The following GALNT14 variants were observed in gnomAD, a reference collection of about 807,000 sequenced individuals.
GALNT14 encodes UDP-GalNAc:polypeptide N-acetylgalactosaminyltransferase 14.
Under a neutral mutation model 77.5 loss-of-function variants are expected in GALNT14, and 60 were observed. That is an observed-to-expected ratio of 0.77 (90% CI 0.63 to 0.96). The LOEUF (loss-of-function observed/expected upper bound fraction) is 0.96. Ranked by LOEUF, GALNT14 falls within the 40% of genes least tolerant of loss-of-function variation. GALNT14 has a pLI of 0.00. For missense variants in GALNT14, 710 were observed against 731.0 expected (o/e 0.97, Z 0.33); for synonymous variants, 280 against 281.7 (o/e 0.99, Z 0.06).
At chr2:31,130,469 A>C (rs1678920155) in intron 1 of GALNT14, among the ~76,000 whole-genome samples, 1 of 152,190 alleles carries the variant, frequency 6.6e-6, no homozygotes, top group Non-Finnish European at 1.5e-5. Flanking sequence ...CAGAAGAAGA[A>C]TGTGAAGGGG....
At chr2:31,034,379 T>C (rs550069839) in intron 1 of GALNT14, among the ~76,000 whole-genome samples, 1 of 152,300 alleles carries the variant, frequency 6.6e-6, no homozygotes, top group South Asian at 2.1e-4. Context: ...TTGTTTCTCT[T>C]TCAGGAGAAA....
At chr2:31,107,019 A>C (rs1176894330) in intron 1 of GALNT14, among the ~76,000 whole-genome samples, 1 of 152,256 alleles carries the variant, frequency 6.6e-6, no homozygotes, top group African/African-American at 2.4e-5. Context: ...AATAGTGGTT[A>C]CACAAAAGTT....
chr2:30,916,221 C>T (rs964116161), intron 13 of GALNT14, among the ~76,000 whole-genome samples: 4 of 152,182 alleles, frequency 2.6e-5, no homozygotes, highest in Non-Finnish European at 4.4e-5. Flanking sequence ...CACACTCACA[C>T]GTAGACAAAC....
chr2:31,007,646 G>A (rs1050316407), intron 1 of GALNT14, among the ~76,000 whole-genome samples: 1 of 152,120 alleles, frequency 6.6e-6, no homozygotes, highest in Non-Finnish European at 1.5e-5. Flanking sequence ...TCCGGTAACT[G>A]GATAGGAATC....
chr2:31,115,788 G>A (rs1573370430), intron 1 of GALNT14, among the ~76,000 whole-genome samples: 1 of 152,192 alleles, frequency 6.6e-6, no homozygotes, highest in Non-Finnish European at 1.5e-5. Context: ...CAGGCACAGT[G>A]GCTCACGCCT....
intron 1 of GALNT14, among the ~76,000 whole-genome samples, chr2:31,049,126 T>C (rs1264043151): frequency 6.6e-6 from 1 of 152,208 alleles, no homozygotes; most frequent in Non-Finnish European, 1.5e-5. Context: ...GCCTAACACC[T>C]TGACCCACTT....
At chr2:31,023,205 A>G (rs1378968775) in intron 1 of GALNT14, among the ~76,000 whole-genome samples, 1 of 152,310 alleles carries the variant, frequency 6.6e-6, no homozygotes, top group African/African-American at 2.4e-5. Flanking sequence ...GAAGGCTCAA[A>G]CCAAAATTGA....
At chr2:31,069,305 G>A (rs781604461) in intron 1 of GALNT14, among the ~76,000 whole-genome samples, 5 of 152,304 alleles carry the variant, frequency 3.3e-5, no homozygotes, top group Non-Finnish European at 5.9e-5. Context: ...TAAGGAAGGT[G>A]ACATTCTGTG....
chr2:31,007,216 G>T (rs1670733636), intron 1 of GALNT14, among the ~76,000 whole-genome samples: 1 of 152,210 alleles, frequency 6.6e-6, no homozygotes, highest in African/African-American at 2.4e-5. Context: ...TAGTGCTACA[G>T]GCGACGTGGC....
chr2:30,930,033 T>A (rs139117511), intron 10 of GALNT14, among the ~76,000 whole-genome samples: 1 of 152,288 alleles, frequency 6.6e-6, no homozygotes, highest in African/African-American at 2.4e-5. Context: ...TTTGGAGCAT[T>A]TTGGATTTTA....
At chr2:30,970,534 T>C (rs1668284284) in intron 2 of GALNT14, among the ~76,000 whole-genome samples, 2 of 152,072 alleles carry the variant, frequency 1.3e-5, no homozygotes, top group South Asian at 4.2e-4. Context: ...CAGGTTCAGC[T>C]CATCGACTAG....
chr2:30,893,250 G>T, the GALNT14 span, among the ~76,000 whole-genome samples: 3 of 152,150 alleles, frequency 2.0e-5, no homozygotes, highest in African/African-American at 4.8e-5. Context: ...TGATCAGAGA[G>T]CCTCCTGAGT....
chr2:30,890,511 A>G, the GALNT14 span, among the ~76,000 whole-genome samples: 22 of 152,320 alleles, frequency 1.4e-4, no homozygotes, highest in Admixed American at 4.6e-4. Flanking sequence ...TGCTTATCCA[A>G]TGGTAGAGAT....
At chr2:31,082,751 G>A (rs997545101) in intron 1 of GALNT14, among the ~76,000 whole-genome samples, 1 of 152,206 alleles carries the variant, frequency 6.6e-6, no homozygotes, top group African/African-American at 2.4e-5. Context: ...TGGGCACGGT[G>A]GCTCACACCT....
chr2:31,052,092 G>A (rs981044328), intron 1 of GALNT14, among the ~76,000 whole-genome samples: 1 of 152,084 alleles, frequency 6.6e-6, no homozygotes, highest in African/African-American at 2.4e-5. Context: ...GGACCATCCT[G>A]CTGGAAGAGG....
chr2:30,889,367 C>T, the GALNT14 span, among the ~76,000 whole-genome samples: 2 of 152,182 alleles, frequency 1.3e-5, no homozygotes, highest in Non-Finnish European at 2.9e-5. Context: ...CCTCCCATTG[C>T]TGTGGGGACC....
intron 1 of GALNT14, among the ~76,000 whole-genome samples, chr2:31,112,477 T>C (rs752519153): frequency 1.3e-5 from 2 of 152,198 alleles, no homozygotes; most frequent in Non-Finnish European, 2.9e-5. Flanking sequence ...AGGCACACTG[T>C]TTGGTATGAA....
intron 1 of GALNT14, among the ~76,000 whole-genome samples, chr2:31,046,838 G>A (rs116680415): frequency 0.014 from 2,110 of 152,060 alleles, 44 homozygotes; most frequent in African/African-American, 0.043. Flanking sequence ...TATATCACTC[G>A]TTTCAAGTTC....
At chr2:30,902,092 G>C in the GALNT14 span, among the ~76,000 whole-genome samples, 1 of 152,180 alleles carries the variant, frequency 6.6e-6, no homozygotes, top group South Asian at 2.1e-4. Context: ...CAAAACATCA[G>C]ACAGCCAGGG....
Sources: gnomAD v4.1 joint callset for allele counts (sites outside exome capture counted in the v4.1 genomes callset) on GRCh38, gnomAD v4.1.1 for gene constraint, MANE v1.5 for transcripts, NCBI Gene and HGNC (gene_info 2026-07-23, HGNC 2026-07-21) for gene names.